Variants in ITPRID1 observed in about 807,000 individuals in gnomAD.
ITPRID1 encodes protein ITPRID1.
ITPRID1 carries 96 observed loss-of-function variants against 95.4 expected under a neutral mutation model. That is an observed-to-expected ratio of 1.01 (90% confidence interval 0.85 to 1.19). The LOEUF is 1.19. ITPRID1 is among the 50% of genes most tolerant of loss of function. The pLI, the probability that ITPRID1 is intolerant of heterozygous loss-of-function variation, is 0.00. For synonymous variants in ITPRID1, 510 were observed against 453.6 expected (o/e 1.12, Z -1.58); for missense variants, 1,339 against 1,252.9 (o/e 1.07, Z -1.04).
chr7:31,553,094 C>T lies in ITPRID1; in HGVS notation c.70C>T (p.Leu24=). Residue 24 remains leucine (L), a synonymous_variant, in exon 3 of 15, where the codon CTG becomes TTG. Transcript: ENST00000615280. ...CCAGGAAAAGAGCAAGAGAGAGATC[C>T]TGAAGTGCACCAAAAGCGCGTGGGC... The part of the protein sequence containing the change: ...EGQEKSKREI[L]KCTKSAWAPL... 6.2e-7 allele frequency: 1 copy of T among 1,605,910 alleles called. No homozygotes were observed. The highest frequency in any genetic ancestry group is 8.5e-7 in the Non-Finnish European group (1 of 1,175,994).
chr7:31,615,289 A>G (rs1233212799), intron 10 of ITPRID1, among the ~76,000 whole-genome samples: 1 of 152,198 alleles, frequency 6.6e-6, no homozygotes, highest in Non-Finnish European at 1.5e-5. Flanking sequence ...GGATCAGGTC[A>G]TAAGTATTAC....
At chr7:31,585,483 T>C (rs904891073) in intron 10 of ITPRID1, among the ~76,000 whole-genome samples, 2 of 152,168 alleles carry the variant, frequency 1.3e-5, no homozygotes, top group Non-Finnish European at 1.5e-5. Flanking sequence ...AAAGGAAATA[T>C]ATAATAGTGC....
At chr7:31,583,110 C>T (rs559248336) in intron 9 of ITPRID1, 24 bp from the exon 10 acceptor site, 1 of 1,564,542 alleles carries the variant, frequency 6.4e-7, no homozygotes, top group Non-Finnish European at 8.8e-7. Context: ...TTTCTAATGA[C>T]ATTGATGCAT....
At chr7:31,531,824 C>T (rs776570287) in intron 1 of ITPRID1, among the ~76,000 whole-genome samples, 2 of 152,072 alleles carry the variant, frequency 1.3e-5, no homozygotes, top group African/African-American at 2.4e-5. Context: ...TTACATGACT[C>T]TGATGTTGAT....
Position 31,591,877 on chromosome 7 carries a change from C to T in ITPRID1, c.1228+8686C>T, listed in dbSNP as rs562399177. 3.9e-5 allele frequency among the ~76,000 whole-genome samples: 6 copies of T among 152,166 alleles called. No individual in the cohort carries two copies. In the East Asian group the frequency reaches 7.7e-4, roughly 20 times the overall value. On this transcript the variant is annotated intron_variant, in intron 10 of 14. Coordinates refer to ENST00000615280, the MANE Select transcript of ITPRID1 (RefSeq NM_001257967.3). ...AAAAATGGTAGTTACTAAATTCAGG[C>T]ACCTCAGTGGAATGAAAACACCTAA...
chr7:31,516,900 T>C (rs991637784), intron 1 of ITPRID1, among the ~76,000 whole-genome samples: 6 of 152,288 alleles, frequency 3.9e-5, no homozygotes, highest in South Asian at 2.1e-4. Flanking sequence ...AAAAATGGTG[T>C]GTCCAGAGTT....
intron 1 of ITPRID1, among the ~76,000 whole-genome samples, chr7:31,519,612 C>CCATATATATA (rs1783159967): frequency 6.4e-5 from 3 of 46,886 alleles, no homozygotes; most frequent in Non-Finnish European, 1.2e-4. Flanking sequence ...CTCTCTCTCT[C>CCATATATATA]TCTCTCTCTA....
chr7:31,577,447 A>C (rs1005163962), intron 8 of ITPRID1, among the ~76,000 whole-genome samples: 1 of 152,190 alleles, frequency 6.6e-6, no homozygotes, highest in African/African-American at 2.4e-5. Context: ...GGATGATGTA[A>C]GTGATGGTAG....
intron 10 of ITPRID1, among the ~76,000 whole-genome samples, chr7:31,603,836 C>T (rs1786501312): frequency 6.6e-6 from 1 of 152,124 alleles, no homozygotes; most frequent in African/African-American, 2.4e-5. Flanking sequence ...TCAGACTTCA[C>T]TTCCAATCTC....
intron 3 of ITPRID1, 142 bp from the exon 4 acceptor site, chr7:31,554,332 GA>G (rs570324466): frequency 3.9e-5 from 53 of 1,348,948 alleles, no homozygotes; most frequent in South Asian, 8.6e-5. Flanking sequence ...TTGCCTTCAG[GA>G]AAAAAAATGA....
intron 10 of ITPRID1, among the ~76,000 whole-genome samples, chr7:31,601,352 T>C (rs1043391175): frequency 6.6e-6 from 1 of 152,130 alleles, no homozygotes. Flanking sequence ...TGAATTCTGG[T>C]TTTACCACTG....
chr7:31,636,089 T>TA (rs1435747576), intron 10 of ITPRID1, among the ~76,000 whole-genome samples: 22 of 152,112 alleles, frequency 1.4e-4, no homozygotes, highest in Non-Finnish European at 2.6e-4. Context: ...CAGATGCTTA[T>TA]AAAACCATCA....
intron 5 of ITPRID1, among the ~76,000 whole-genome samples, chr7:31,569,247 A>C (rs1784901022): frequency 6.6e-6 from 1 of 152,146 alleles, no homozygotes; most frequent in African/African-American, 2.4e-5. Context: ...AATGAAGGGA[A>C]TATGCTTCAT....
At chr7:31,596,174 T>C (rs1268704897) in intron 10 of ITPRID1, among the ~76,000 whole-genome samples, 1 of 151,308 alleles carries the variant, frequency 6.6e-6, no homozygotes, top group African/African-American at 2.4e-5. Flanking sequence ...ATAGAAAAGA[T>C]AAATAAGCTA....
chr7:31,573,079 C>T (rs773277155), intron 7 of ITPRID1, among the ~76,000 whole-genome samples: 10 of 152,150 alleles, frequency 6.6e-5, no homozygotes, highest in African/African-American at 1.2e-4. Context: ...GATTGGCATT[C>T]CTGATTCCCC....
At chr7:31,594,113 C>G (rs1785976562) in intron 10 of ITPRID1, among the ~76,000 whole-genome samples, 1 of 152,104 alleles carries the variant, frequency 6.6e-6, no homozygotes, top group Non-Finnish European at 1.5e-5. Context: ...TGTTGCGATA[C>G]CCAAATACTT....
chr7:31,551,053 G>C (rs1214572732), intron 2 of ITPRID1, among the ~76,000 whole-genome samples: 1 of 143,392 alleles, frequency 7.0e-6, no homozygotes, highest in Non-Finnish European at 1.6e-5. Flanking sequence ...GCCAAAATCA[G>C]TGAAGGAGTG....
At chr7:31,519,557 A>G (rs1392549457) in intron 1 of ITPRID1, among the ~76,000 whole-genome samples, 1 of 144,088 alleles carries the variant, frequency 6.9e-6, no homozygotes, top group Non-Finnish European at 1.5e-5. Flanking sequence ...ACGCACATGC[A>G]TATATGGTTC....
At chr7:31,630,830 T>C (rs1057124070) in intron 10 of ITPRID1, among the ~76,000 whole-genome samples, 5 of 151,956 alleles carry the variant, frequency 3.3e-5, no homozygotes, top group South Asian at 2.1e-4. Context: ...CCAAAAAGTA[T>C]GTCAATGAAA....
Sources: allele counts gnomAD v4.1 joint callset (sites outside exome capture counted in the v4.1 genomes callset), GRCh38; gene constraint gnomAD v4.1.1; transcripts MANE v1.5; gene names NCBI Gene and HGNC (gene_info 2026-07-23, HGNC 2026-07-21).